The following HSD17B2 variants were observed in gnomAD, a reference collection of about 807,000 sequenced individuals.
HSD17B2 encodes 17-beta-hydroxysteroid dehydrogenase type 2.
Under a neutral mutation model 26.9 loss-of-function variants are expected in HSD17B2, and 32 were observed. That is an observed-to-expected ratio of 1.19 (90% CI 0.90 to 1.60). HSD17B2 has a LOEUF of 1.60. HSD17B2 is among the 40% of genes most tolerant of loss of function. The probability of loss-of-function intolerance (pLI) is 0.00; values close to 1 mark genes in which losing one functional copy is unlikely to be tolerated. For missense variants in HSD17B2, 613 were observed against 468.6 expected, an observed-to-expected ratio of 1.31 and a Z score of -2.85; for synonymous variants, 246 against 186.7, an observed-to-expected ratio of 1.32 and a Z score of -2.59.
At chr16:82,095,904 C>G (rs1904825107) in intron 4 of HSD17B2, 1 of 152,036 alleles carries the variant, frequency 6.6e-6, no homozygotes, top group South Asian at 2.1e-4. Flanking sequence ...TTTGTATGAA[C>G]AAGGAAGGAA....
intron 1 of HSD17B2, among the ~76,000 whole-genome samples, chr16:82,043,025 A>G (rs777279482): frequency 1.3e-5 from 2 of 152,240 alleles, no homozygotes; most frequent in Non-Finnish European, 2.9e-5. Context: ...AGGAGCAGGC[A>G]GAGAAGAAAC....
intron 1 of HSD17B2, chr16:82,044,522 G>A (rs990607071): frequency 6.6e-5 from 10 of 152,366 alleles, no homozygotes; most frequent in African/African-American, 2.4e-4. Context: ...GAGACAATAG[G>A]GTCCACGTGA....
intron 4 of HSD17B2, chr16:82,095,977 TCTC>T (rs1333163533): frequency 3.9e-5 from 6 of 152,278 alleles, no homozygotes; most frequent in African/African-American, 1.4e-4. Flanking sequence ...AATATGCACA[TCTC>T]CTTATTATTC....
intron 4 of HSD17B2, chr16:82,093,210 T>A (rs1904743028): frequency 6.6e-6 from 1 of 152,210 alleles, no homozygotes; most frequent in Non-Finnish European, 1.5e-5. Flanking sequence ...TATATGATCC[T>A]CTACCATCAC....
At chr16:82,092,818 G>C (rs1411005083) in intron 4 of HSD17B2, 5 of 152,286 alleles carry the variant, frequency 3.3e-5, no homozygotes, top group Non-Finnish European at 5.9e-5. Context: ...GATACAAAGA[G>C]AGGGAAGCTG....
chr16:82,062,824 T>G (rs1241541888), intron 1 of HSD17B2, among the ~76,000 whole-genome samples: 1 of 152,242 alleles, frequency 6.6e-6, no homozygotes, highest in Non-Finnish European at 1.5e-5. Context: ...TTGCCAGGTT[T>G]CCGGAGTATA....
At position 82,059,318 on chromosome 16, in the gene HSD17B2, T is replaced by C. The variant is rs536680902; in HGVS notation, c.266-8852T>C. On this transcript the variant is annotated intron_variant, in intron 1 of 4. Coordinates refer to ENST00000199936, the MANE Select transcript of HSD17B2 (RefSeq NM_002153.3). ...TCCCTGGCCTCAATAGTAGTCTGTG[T>C]TGTGACAACCAAAAATGTTTCCAGA... 6.6e-5 allele frequency among the ~76,000 whole-genome samples: 10 copies of C among 152,308 alleles called. No individual in the cohort carries two copies. In the East Asian group the frequency reaches 1.7e-3, roughly 26 times the overall value.
intron 1 of HSD17B2, among the ~76,000 whole-genome samples, chr16:82,057,394 TC>T (rs1227245234): frequency 6.6e-6 from 1 of 152,162 alleles, no homozygotes; most frequent in Non-Finnish European, 1.5e-5. Flanking sequence ...AGACGGGGTT[TC>T]ACCATGTTGG....
chr16:82,085,903 C>T (rs999218853), intron 3 of HSD17B2, among the ~76,000 whole-genome samples: 2 of 151,504 alleles, frequency 1.3e-5, no homozygotes, highest in Non-Finnish European at 1.5e-5. Context: ...CTAAAATGGC[C>T]GTAATGAAAA....
At chr16:82,051,379 C>A (rs1391407387) in intron 1 of HSD17B2, among the ~76,000 whole-genome samples, 1 of 152,106 alleles carries the variant, frequency 6.6e-6, no homozygotes, top group African/African-American at 2.4e-5. Flanking sequence ...TGCAAAAAGA[C>A]CATGGACTAA....
chr16:82,084,220 G>T (rs2142361579), intron 3 of HSD17B2, among the ~76,000 whole-genome samples: 1 of 152,176 alleles, frequency 6.6e-6, no homozygotes, highest in East Asian at 1.9e-4. Flanking sequence ...TCTCAACCTT[G>T]GCACTACTGG....
At chr16:82,093,660 G>A (rs1455407871) in intron 4 of HSD17B2, 1 of 152,222 alleles carries the variant, frequency 6.6e-6, no homozygotes, top group Non-Finnish European at 1.5e-5. Flanking sequence ...TTCCAAGAGA[G>A]GGTTTTTGGA....
intron 1 of HSD17B2, among the ~76,000 whole-genome samples, chr16:82,056,016 T>G (rs986930699): frequency 1.3e-5 from 2 of 152,198 alleles, no homozygotes; most frequent in Admixed American, 6.5e-5. Flanking sequence ...TAATTAGCAA[T>G]GAAACAGAAA....
chr16:82,097,172 A>G (rs916888441), intron 4 of HSD17B2: 1 of 151,876 alleles, frequency 6.6e-6, no homozygotes, highest in African/African-American at 2.4e-5. Flanking sequence ...GGGACTAGAG[A>G]TAAGCACCAT....
chr16:82,079,338 G>T (rs190910767), intron 3 of HSD17B2, among the ~76,000 whole-genome samples: 2 of 152,100 alleles, frequency 1.3e-5, no homozygotes, highest in African/African-American at 4.8e-5. Flanking sequence ...CCAAGGTGTC[G>T]GCAGGGTTGG....
At chr16:82,051,220 T>C (rs1016840598) in intron 1 of HSD17B2, among the ~76,000 whole-genome samples, 2 of 152,220 alleles carry the variant, frequency 1.3e-5, no homozygotes, top group African/African-American at 2.4e-5. Flanking sequence ...TCTGTAATGA[T>C]AGCATTGCGT....
At chr16:82,047,165 C>G (rs1205097726) in intron 1 of HSD17B2, among the ~76,000 whole-genome samples, 1 of 152,206 alleles carries the variant, frequency 6.6e-6, no homozygotes, top group Non-Finnish European at 1.5e-5. Context: ...AGGGGTGGCA[C>G]TTCTCCAGTG....
intron 3 of HSD17B2, among the ~76,000 whole-genome samples, chr16:82,080,353 T>C (rs1234552391): frequency 1.3e-5 from 2 of 152,114 alleles, no homozygotes; most frequent in Non-Finnish European, 2.9e-5. Flanking sequence ...TCTGGATGAA[T>C]CTGATGCAAT....
chr16:82,070,891 T>A, intron 2 of HSD17B2, 51 bp from the exon 3 acceptor site: 1 of 1,536,926 alleles, frequency 6.5e-7, no homozygotes, highest in South Asian at 1.2e-5. Context: ...GCAGGTTGTG[T>A]TATTCACTTC....
Sources: allele counts gnomAD v4.1 joint callset (sites outside exome capture counted in the v4.1 genomes callset), GRCh38; gene constraint gnomAD v4.1.1; transcripts MANE v1.5; gene names NCBI Gene and HGNC (gene_info 2026-07-23, HGNC 2026-07-21).